WDR72: variants seen among roughly 807,000 people sequenced by gnomAD.
The protein encoded by WDR72 is WD repeat domain 72.
Under a neutral mutation model 124.2 loss-of-function variants are expected in WDR72, and 120 were observed. The ratio of observed to expected loss-of-function variants is 0.97; its 90% CI spans 0.83 to 1.12. The LOEUF (loss-of-function observed/expected upper bound fraction) is 1.12, where lower values mean the gene tolerates loss of function less well. Among genes scored for constraint, WDR72 ranks in the 50% most tolerant of loss-of-function variants. WDR72 has a pLI of 0.00. For missense variants in WDR72, 1,387 were observed against 1,278.8 expected (o/e 1.08, Z -1.29); for synonymous variants, 452 against 441.7 (o/e 1.02, Z -0.29).
At chr15:53,594,627 T>TAAA (rs60703765) in intron 18 of WDR72, among the ~76,000 whole-genome samples, 1,940 of 142,014 alleles carry the variant, frequency 0.014, 27 homozygotes, top group Admixed American at 0.035. Context: ...AAATAAAAAT[T>TAAA]AAAAAAAAAA....
chr15:53,738,635 C>T (rs1273545163), intron 1 of WDR72, among the ~76,000 whole-genome samples: 2 of 152,042 alleles, frequency 1.3e-5, no homozygotes, highest in African/African-American at 2.4e-5. Context: ...TCGTTCTTGT[C>T]GCCCATGCTG....
At chr15:53,535,993 C>A (rs145964008) in intron 18 of WDR72, among the ~76,000 whole-genome samples, 2 of 152,276 alleles carry the variant, frequency 1.3e-5, no homozygotes, top group South Asian at 2.1e-4. Context: ...TGCCTGCATG[C>A]GTGTTTAAAG....
At chr15:53,529,159 TA>T (rs1330615515) in intron 18 of WDR72, among the ~76,000 whole-genome samples, 4 of 54,938 alleles carry the variant, frequency 7.3e-5, no homozygotes, top group Non-Finnish European at 1.5e-4. Context: ...TATATATATA[TA>T]TATATTTTTT....
At chr15:53,517,778 G>A (rs1206061403) in intron 19 of WDR72, 24 bp from the exon 20 acceptor site, 1 of 1,610,904 alleles carries the variant, frequency 6.2e-7, no homozygotes, top group South Asian at 1.1e-5. Context: ...AGATATCTTG[G>A]GTTATATGGT....
chr15:53,540,974 C>T (rs1381091817), intron 18 of WDR72: 2 of 157,526 alleles, frequency 1.3e-5, no homozygotes, highest in Non-Finnish European at 2.8e-5. Context: ...GTATCCCGCA[C>T]CTGGCTCGGA....
chr15:53,573,643 T>A (rs1387418202), intron 18 of WDR72, among the ~76,000 whole-genome samples: 1 of 152,144 alleles, frequency 6.6e-6, no homozygotes, highest in Non-Finnish European at 1.5e-5. Context: ...CCTCCCGTGT[T>A]CAAGCGATGC....
intron 1 of WDR72, among the ~76,000 whole-genome samples, chr15:53,750,824 T>C (rs1207596968): frequency 6.6e-6 from 1 of 152,122 alleles, no homozygotes; most frequent in Non-Finnish European, 1.5e-5. Context: ...GCAAGAGAAC[T>C]AGAATTAAAA....
At chr15:53,557,522 C>T (rs953678022) in intron 18 of WDR72, among the ~76,000 whole-genome samples, 2 of 152,030 alleles carry the variant, frequency 1.3e-5, no homozygotes, top group Admixed American at 6.6e-5. Flanking sequence ...AATGTTGTAT[C>T]TGGATGTCGC....
intron 18 of WDR72, among the ~76,000 whole-genome samples, chr15:53,565,936 C>G (rs938441504): frequency 3.3e-5 from 5 of 151,914 alleles, no homozygotes; most frequent in African/African-American, 9.7e-5. Context: ...ATCTTTGGAA[C>G]ACTAGAGCAT....
intron 18 of WDR72, among the ~76,000 whole-genome samples, chr15:53,544,941 A>C (rs1481049856): frequency 6.8e-6 from 1 of 147,566 alleles, no homozygotes; most frequent in Non-Finnish European, 1.5e-5. Flanking sequence ...AATACCTAGG[A>C]ATCCAACTTA....
intron 8 of WDR72, 62 bp from the exon 9 acceptor site, chr15:53,711,015 C>T: frequency 1.4e-6 from 2 of 1,406,242 alleles, no homozygotes; most frequent in African/African-American, 1.4e-5. Flanking sequence ...GTTTTTTTTC[C>T]CCCTCCCACT....
chr15:53,692,896 CT>C (rs923065063), intron 13 of WDR72, among the ~76,000 whole-genome samples: 3 of 152,152 alleles, frequency 2.0e-5, no homozygotes, highest in African/African-American at 7.2e-5. Context: ...CCACCCTATA[CT>C]TTAATGTATC....
chr15:53,546,259 C>A (rs1383455007), intron 18 of WDR72, among the ~76,000 whole-genome samples: 1 of 151,960 alleles, frequency 6.6e-6, no homozygotes, highest in Non-Finnish European at 1.5e-5. Flanking sequence ...GACTTGGAAC[C>A]AACCCAGATG....
intron 3 of WDR72, among the ~76,000 whole-genome samples, chr15:53,720,722 C>A (rs927170144): frequency 6.6e-6 from 1 of 152,180 alleles, no homozygotes; most frequent in African/African-American, 2.4e-5. Context: ...ACTGCTTTTT[C>A]TCACTGTCTA....
chr15:53,715,476 G>A, intron 4 of WDR72, 109 bp from the exon 5 acceptor site: 3 of 1,309,038 alleles, frequency 2.3e-6, no homozygotes, highest in Non-Finnish European at 2.2e-6. Flanking sequence ...ATCAATTAAG[G>A]TATTGAACTG....
At chr15:53,730,374 T>G (rs1338254380) in intron 2 of WDR72, among the ~76,000 whole-genome samples, 1 of 152,178 alleles carries the variant, frequency 6.6e-6, no homozygotes, top group Non-Finnish European at 1.5e-5. Flanking sequence ...CAAGTCTGTC[T>G]CCCATACTGG....
intron 14 of WDR72, among the ~76,000 whole-genome samples, chr15:53,630,359 C>G (rs146917056): frequency 7.2e-4 from 110 of 152,278 alleles, no homozygotes; most frequent in African/African-American, 2.5e-3. Context: ...CCAAATCTCT[C>G]TAAGAGGCCA....
At chr15:53,704,948 A>G (rs376824008) in intron 11 of WDR72, 40 bp downstream of exon 11, 1 of 1,609,926 alleles carries the variant, frequency 6.2e-7, no homozygotes, top group Non-Finnish European at 8.5e-7. Flanking sequence ...TTGCAGCTTT[A>G]GATAAATCAA....
At chr15:53,728,311 A>G (rs902770783) in intron 2 of WDR72, among the ~76,000 whole-genome samples, 6 of 152,340 alleles carry the variant, frequency 3.9e-5, no homozygotes, top group Admixed American at 3.9e-4. Context: ...GACCAGGCTT[A>G]TGATTCAATT....
Sources: allele counts gnomAD v4.1 joint callset (sites outside exome capture counted in the v4.1 genomes callset), GRCh38; gene constraint gnomAD v4.1.1; transcripts MANE v1.5; gene names NCBI Gene and HGNC (gene_info 2026-07-23, HGNC 2026-07-21).